The following CARD9 variants were observed in gnomAD, a reference collection of about 807,000 sequenced individuals.
CARD9 encodes caspase recruitment domain-containing protein 9.
CARD9 carries 53 observed loss-of-function variants against 66.0 expected under a neutral mutation model. That is an observed-to-expected ratio of 0.80 (90% CI 0.64 to 1.01). CARD9 has a LOEUF of 1.01. Ranked by LOEUF, CARD9 falls within the 50% of genes least tolerant of loss-of-function variation. CARD9 has a pLI of 0.00. For missense variants in CARD9, 769 were observed against 743.2 expected (o/e 1.03, Z -0.40); for synonymous variants, 387 against 313.8 (o/e 1.23, Z -2.47).
rs758010412 is a variant in CARD9 at position 136,370,442 on chromosome 9, AGG to A, written c.808-7_808-6del. 1 of 1,609,912 alleles carries A rather than the reference AGG, an allele frequency of 6.2e-7. No homozygotes were observed. The highest frequency in any genetic ancestry group is 1.6e-4 in the Middle Eastern group (1 of 6,074). On this transcript the variant is annotated splice_polypyrimidine_tract_variant and splice_region_variant and intron_variant, in intron 5 of 12. Coordinates refer to ENST00000371732, the MANE Select transcript of CARD9 (RefSeq NM_052813.5). ...GCTCCTGTCCAGCTTCCCCTCCTGAAGGGGGCAAAAGGCAATGGCCTGGCTGG... is the reference window on the plus strand; with the variant it reads ...GCTCCTGTCCAGCTTCCCCTCCTGAAGGGCAAAAGGCAATGGCCTGGCTGG...
At chr9:136,366,434 T>A (rs1191176311) in intron 10 of CARD9, 1 of 323,608 alleles carries the variant, frequency 3.1e-6, no homozygotes, top group African/African-American at 2.1e-5. Flanking sequence ...GGAGGAAGCT[T>A]GGAGCAGCCA....
At chr9:136,371,769 G>T (rs4075078) in intron 2 of CARD9, 126 bp downstream of exon 2, 1 of 1,456,138 alleles carries the variant, frequency 6.9e-7, no homozygotes, top group Non-Finnish European at 9.3e-7. Flanking sequence ...GCCTCAGTCA[G>T]AGGCCAGGGG....
Position 136,370,903 on chromosome 9 carries a change from G to A in CARD9, c.565C>T (p.Leu189=). The A allele has an allele frequency of 6.2e-7, 1 of 1,610,434 alleles. No homozygotes were observed. Among genetic ancestry groups the A allele is most frequent in the South Asian group, 1.1e-5 (1 of 91,030 alleles). The part of the protein sequence containing the change: ...KEENYDLAMR[L]AHQSEEKGAA... ...CCCTTCTCCTCACTCTGGTGCGCCA[G>A]GCGCATGGCCAGGTCGTAGTTCTCC... The change falls in exon 4 of 13, where the codon CTG becomes TTG. Residue 189 remains leucine, a synonymous_variant. Transcript: ENST00000371732.
rs144114150 is a variant in CARD9 at position 136,369,941 on chromosome 9, T to C, written c.952-66A>G. 9.8e-4 allele frequency: 1,568 copies of C among 1,600,142 alleles called. 16 individuals are homozygous for C. In the African/African-American group the frequency reaches 0.018, roughly 19 times the overall value. On this transcript the variant is annotated intron_variant, in intron 6 of 12. Coordinates refer to ENST00000371732, the MANE Select transcript of CARD9 (RefSeq NM_052813.5). ...CCCCATTCTGGCCCTTGGGGTATAC[T>C]CCGGGCAGGGGCTCAGAAGCATGTG...
intron 6 of CARD9, 128 bp downstream of exon 6, chr9:136,370,166 G>C: frequency 6.8e-7 from 1 of 1,479,876 alleles, no homozygotes; most frequent in Non-Finnish European, 9.0e-7. Context: ...GTGCCTCCAG[G>C]AGTGGGTGAG....
chr9:136,367,917 T>A, intron 7 of CARD9, 89 bp from the exon 8 acceptor site: 2 of 1,476,518 alleles, frequency 1.4e-6, no homozygotes, highest in Non-Finnish European at 1.8e-6. Context: ...AAGCAGAGGC[T>A]CCGGAGGACG....
chr9:136,370,474 GC>G (rs1474787305), intron 5 of CARD9, 37 bp from the exon 6 acceptor site: 1 of 1,604,768 alleles, frequency 6.2e-7, no homozygotes, highest in Admixed American at 1.7e-5. Context: ...GGCTGGGAAG[GC>G]CCCCACTGCC....
chr9:136,370,975 T>C lies in CARD9; in HGVS notation c.493A>G (p.Lys165Glu), dbSNP rs781419489. 3.8e-5 allele frequency: 62 copies of C among 1,610,742 alleles called. No individual in the cohort carries two copies. Among genetic ancestry groups the C allele is most frequent in the Non-Finnish European group, 5.2e-5 (61 of 1,179,174 alleles). ...RKHQERVQRL[K>E]EECEAGSREL... Reference sequence around the variant, plus strand: ...CGGCTGCCGGCCTCGCACTCCTCCTTGAGCCTCTGCACACGCTCCTGGTGC... The same window carrying C: ...CGGCTGCCGGCCTCGCACTCCTCCTCGAGCCTCTGCACACGCTCCTGGTGC... The change falls in exon 4 of 13, where the codon AAG (lysine) becomes GAG (glutamate). Residue 165 changes from lysine to glutamate, a missense_variant. Lys to Glu is a moderately conservative substitution (Grantham distance 56). Transcript: ENST00000371732.
In CARD9 at chr9:136,364,383, C is replaced by T. The variant is rs900948789; in HGVS notation, c.1530G>A (p.Lys510=). ...ENYRRKRALR[K]MQKGWRQGEE... ...CCCCCTGCCGCCATCCTTTCTGCAT[C>T]TTCCTGAGGGCGCGCTTCCTGTGAA... The change falls in exon 13 of 13, where the codon AAG becomes AAA. Residue 510 remains lysine, a synonymous_variant. Transcript: ENST00000371732. 1.6e-5 allele frequency: 25 copies of T among 1,561,912 alleles called. No individual in the cohort carries two copies. Among genetic ancestry groups the T allele is most frequent in the Non-Finnish European group, 1.9e-5 (22 of 1,155,590 alleles).
rs1833049434 is a variant in CARD9 at position 136,364,051 on chromosome 9, A to ATC, written c.*249_*250dup. The ATC allele has an allele frequency of 6.5e-7, 1 of 1,527,454 alleles. No individual in the cohort carries two copies. The highest frequency in any genetic ancestry group is 8.9e-7 in the Non-Finnish European group (1 of 1,125,948). 94.6% of individuals were successfully genotyped at this position (1,527,454 alleles called of 1,614,324 possible). A position where few individuals can be genotyped will look rare whatever the true frequency, so the allele number is the denominator to read the frequency against. ...TGTGTTACATGGTGAAACAGAACAG[A>ATC]TCCTGAAGTTACACAGATGGCGTGT... On this transcript the variant is annotated 3_prime_UTR_variant, in exon 13 of 13. Transcript: ENST00000371732.
At chr9:136,373,081 G>A (rs4078099) in intron 1 of CARD9, among the ~76,000 whole-genome samples, 57,847 of 152,114 alleles carry the variant, frequency 0.38, 11,449 homozygotes, top group Admixed American at 0.47. Flanking sequence ...GAGCAGCCAC[G>A]TGGTCCTCAG....
intron 11 of CARD9, chr9:136,364,880 A>G: frequency 1.7e-6 from 1 of 593,004 alleles, no homozygotes; most frequent in Non-Finnish European, 3.0e-6. Context: ...CTCCTCATCC[A>G]CTGTAAAGGC....
intron 12 of CARD9, 30 bp from the exon 13 acceptor site, chr9:136,364,431 C>T (rs758514378): frequency 6.5e-7 from 1 of 1,541,842 alleles, no homozygotes; most frequent in South Asian, 1.2e-5. Context: ...AGGCGCGACC[C>T]GGCTGCCGCT....
intron 10 of CARD9, 74 bp downstream of exon 10, chr9:136,366,726 G>T: frequency 1.3e-6 from 2 of 1,502,822 alleles, no homozygotes; most frequent in South Asian, 1.1e-5. Context: ...TGCGGCACGG[G>T]CTGCCTGTGC....
rs202159748 is a variant in CARD9 at position 136,371,774 on chromosome 9, CA to C, written c.184+120del. 5.4e-4 allele frequency: 802 copies of C among 1,477,690 alleles called. 4 individuals carry two copies. The African/African-American group carries it at 0.01, about 19-fold the overall frequency. The allele number at this position is 1,477,690 out of a possible 1,614,324, so 91.5% of individuals were successfully genotyped here. On this transcript the variant is annotated intron_variant, in intron 2 of 12. Transcript: ENST00000371732. ...TTGAGGTTGGGCCTCAGTCAGAGGC[CA>C]GGGGCAAAGCCAGGCGGGGCTCTCC...
intron 8 of CARD9, 61 bp downstream of exon 8, chr9:136,367,576 G>T: frequency 6.7e-7 from 1 of 1,499,954 alleles, no homozygotes; most frequent in Non-Finnish European, 8.9e-7. Context: ...GAGGCTCCGT[G>T]CTCCCCTGGC....
In CARD9 at chr9:136,367,774, TCTC is replaced by T. The variant is rs769777642; in HGVS notation, c.1129_1131del (p.Glu377del). Reference sequence around the variant, plus strand: ...CGCACCTGCTTGCGCAGCGCGTCCTTCTCCTGCAGGCCCCGGGCGTGCTGTGCG... The same window carrying T: ...CGCACCTGCTTGCGCAGCGCGTCCTTCTGCAGGCCCCGGGCGTGCTGTGCG... On this transcript the variant is annotated inframe_deletion, in exon 8 of 13. Transcript: ENST00000371732. 1.4e-5 allele frequency: 22 copies of T among 1,604,482 alleles called. No individual in the cohort carries two copies. Among genetic ancestry groups the T allele is most frequent in the Non-Finnish European group, 1.7e-5 (20 of 1,179,490 alleles).
intron 6 of CARD9, 60 bp from the exon 7 acceptor site, chr9:136,369,935 G>T: frequency 1.2e-6 from 2 of 1,602,110 alleles, no homozygotes; most frequent in Non-Finnish European, 1.7e-6. Context: ...GGCCCTTGGG[G>T]TATACTCCGG....
intron 12 of CARD9, 27 bp downstream of exon 12, chr9:136,364,456 G>T: frequency 6.5e-7 from 1 of 1,540,932 alleles, no homozygotes; most frequent in Non-Finnish European, 8.7e-7. Context: ...AGCCCGTTTT[G>T]GAGAAGCCTG....
Sources: allele counts gnomAD v4.1 joint callset (sites outside exome capture counted in the v4.1 genomes callset), GRCh38; gene constraint gnomAD v4.1.1; transcripts MANE v1.5; gene names NCBI Gene and HGNC (gene_info 2026-07-23, HGNC 2026-07-21).